The following ZNF536 variants were observed in gnomAD, a reference collection of about 807,000 sequenced individuals.
The protein encoded by ZNF536 is zinc finger protein 536.
Under a neutral mutation model 84.5 loss-of-function variants are expected in ZNF536, and 13 were observed. That is an observed-to-expected ratio of 0.15 (90% CI 0.10 to 0.24). ZNF536 has a LOEUF of 0.24. Ranked by LOEUF, ZNF536 falls within the 10% of genes least tolerant of loss-of-function variation. The pLI is 1.00. For synonymous variants in ZNF536, 811 were observed against 742.5 expected (o/e 1.09, Z -1.50); for missense variants, 1,536 against 1,747.5 (o/e 0.88, Z 2.16).
chr19:30,238,534 CTG>C (rs1490708403), intron 1 of ZNF536, among the ~76,000 whole-genome samples: 3 of 152,106 alleles, frequency 2.0e-5, no homozygotes, highest in Non-Finnish European at 4.4e-5. Context: ...ACATTATAAA[CTG>C]TGCTTTCCAT....
At chr19:30,588,948 A>G (rs1457811205) in intron 1 of ZNF536, among the ~76,000 whole-genome samples, 3 of 152,236 alleles carry the variant, frequency 2.0e-5, no homozygotes, top group Admixed American at 2.0e-4. Flanking sequence ...AAAGACAAGC[A>G]TGTTTTGGAA....
At chr19:30,683,629 C>T (rs1350412755) in intron 1 of ZNF536, among the ~76,000 whole-genome samples, 1 of 152,012 alleles carries the variant, frequency 6.6e-6, no homozygotes, top group Non-Finnish European at 1.5e-5. Context: ...TATTTGAAAA[C>T]TGGATGTCCC....
intron 2 of ZNF536, among the ~76,000 whole-genome samples, chr19:30,319,190 A>ATT (rs779994930): frequency 9.1e-4 from 138 of 152,306 alleles, no homozygotes; most frequent in Middle Eastern, 3.4e-3. Flanking sequence ...GCAGGTGAGT[A>ATT]TTTCTAGGAG....
intron 2 of ZNF536, among the ~76,000 whole-genome samples, chr19:30,476,646 G>A (rs565212004): frequency 1.6e-4 from 24 of 152,332 alleles, no homozygotes; most frequent in African/African-American, 5.5e-4. Flanking sequence ...CTCCCTCTGT[G>A]GCTCACGGCC....
chr19:30,391,958 C>T (rs535610212), intron 1 of ZNF536, among the ~76,000 whole-genome samples: 39 of 152,256 alleles, frequency 2.6e-4, no homozygotes, highest in South Asian at 2.1e-3. Context: ...CTAGCCTCCA[C>T]TTTGAATAAG....
At chr19:30,361,099 A>G (rs2048259642) in intron 3 of ZNF536, among the ~76,000 whole-genome samples, 1 of 152,184 alleles carries the variant, frequency 6.6e-6, no homozygotes, top group Non-Finnish European at 1.5e-5. Flanking sequence ...TACTCACAGC[A>G]CTTATATAGT....
At chr19:30,273,602 G>A (rs986194697) in intron 1 of ZNF536, among the ~76,000 whole-genome samples, 1 of 152,130 alleles carries the variant, frequency 6.6e-6, no homozygotes, top group African/African-American at 2.4e-5. Flanking sequence ...TCTTACTGTT[G>A]AGTTTTAAGA....
At chr19:30,461,513 CT>C (rs982497777) in intron 2 of ZNF536, among the ~76,000 whole-genome samples, 5 of 152,166 alleles carry the variant, frequency 3.3e-5, no homozygotes, top group South Asian at 2.1e-4. Context: ...TGGGACCCCC[CT>C]GAGCCCCACA....
chr19:30,465,097 G>A (rs1019065568), intron 2 of ZNF536, among the ~76,000 whole-genome samples: 4 of 152,184 alleles, frequency 2.6e-5, no homozygotes, highest in African/African-American at 4.8e-5. Context: ...CATGAAGTAC[G>A]GAGTTAAATC....
intron 2 of ZNF536, among the ~76,000 whole-genome samples, chr19:30,461,701 G>A (rs1481141460): frequency 2.6e-5 from 4 of 152,214 alleles, no homozygotes; most frequent in Non-Finnish European, 4.4e-5. Flanking sequence ...TGGGCTGCCC[G>A]GCTCTCCGCC....
At chr19:30,457,921 G>T (rs1039549004) in intron 2 of ZNF536, among the ~76,000 whole-genome samples, 2 of 152,228 alleles carry the variant, frequency 1.3e-5, no homozygotes. Flanking sequence ...GCAGGCACTC[G>T]TGGATACGGC....
intron 1 of ZNF536, among the ~76,000 whole-genome samples, chr19:30,266,828 T>C (rs557681520): frequency 6.6e-6 from 1 of 152,326 alleles, no homozygotes; most frequent in South Asian, 2.1e-4. Context: ...GGATTTTTTT[T>C]CTTGATCATA....
At chr19:30,585,799 G>A (rs776147647) in intron 1 of ZNF536, among the ~76,000 whole-genome samples, 20 of 151,792 alleles carry the variant, frequency 1.3e-4, no homozygotes, top group South Asian at 2.1e-4. Context: ...CAAGCCTCAC[G>A]TCCCCCAACA....
At chr19:30,681,449 G>A (rs1356883669) in intron 1 of ZNF536, among the ~76,000 whole-genome samples, 2 of 152,214 alleles carry the variant, frequency 1.3e-5, no homozygotes, top group South Asian at 2.1e-4. Flanking sequence ...CGGGGAGTGG[G>A]GTAGGAAATA....
intron 1 of ZNF536, among the ~76,000 whole-genome samples, chr19:30,708,260 C>G (rs2052327935): frequency 6.6e-6 from 1 of 152,084 alleles, no homozygotes; most frequent in African/African-American, 2.4e-5. Flanking sequence ...TGGGTTTGAG[C>G]CTGCAGAGAA....
At chr19:30,242,906 T>C (rs925584702) in intron 1 of ZNF536, among the ~76,000 whole-genome samples, 13 of 152,338 alleles carry the variant, frequency 8.5e-5, no homozygotes, top group Non-Finnish European at 1.9e-4. Flanking sequence ...ACTTTTTTTT[T>C]CTCATTATTA....
intron 1 of ZNF536, among the ~76,000 whole-genome samples, chr19:30,628,522 G>A (rs992068311): frequency 3.3e-5 from 5 of 149,316 alleles, no homozygotes; most frequent in East Asian, 2.0e-4. Flanking sequence ...TCCGCCCCCC[G>A]GGTTCACGCC....
At chr19:30,323,291 C>T (rs1296920775) in intron 2 of ZNF536, among the ~76,000 whole-genome samples, 1 of 152,180 alleles carries the variant, frequency 6.6e-6, no homozygotes, top group African/African-American at 2.4e-5. Flanking sequence ...TTATCCCTTC[C>T]TTTCTTACTT....
At chr19:30,506,646 T>C (rs943221856) in intron 2 of ZNF536, among the ~76,000 whole-genome samples, 3 of 152,186 alleles carry the variant, frequency 2.0e-5, no homozygotes, top group South Asian at 4.1e-4. Flanking sequence ...GTGGGGTGCA[T>C]GTGCGCTGGA....
Sources: gnomAD v4.1 joint callset for allele counts (sites outside exome capture counted in the v4.1 genomes callset) on GRCh38, gnomAD v4.1.1 for gene constraint, MANE v1.5 for transcripts, NCBI Gene and HGNC (gene_info 2026-07-23, HGNC 2026-07-21) for gene names.